The following LEUTX variants were observed in gnomAD, a reference collection of about 807,000 sequenced individuals.
LEUTX encodes the protein paired-like homeodomain transcription factor LEUTX.
LEUTX carries 5 observed loss-of-function variants against 4.5 expected under a neutral mutation model. That is an observed-to-expected ratio of 1.11 (90% CI 0.58 to 2.34). The LOEUF (loss-of-function observed/expected upper bound fraction) is 2.34, where lower values mean the gene tolerates loss of function less well. Among genes scored for constraint, LEUTX ranks in the 30% most tolerant of loss-of-function variants. The pLI, the probability that LEUTX is intolerant of heterozygous loss-of-function variation, is 0.01. For synonymous variants in LEUTX, 89 were observed against 85.1 expected, an observed-to-expected ratio of 1.05 and a Z score of -0.25; for missense variants, 233 against 239.4, an observed-to-expected ratio of 0.97 and a Z score of 0.18.
At chr19:39,781,437 A>T (rs529095999) in intron 1 of LEUTX, among the ~76,000 whole-genome samples, 5 of 152,304 alleles carry the variant, frequency 3.3e-5, no homozygotes, top group African/African-American at 1.2e-4. Context: ...TACAGTTTGC[A>T]TATTTGTCCC....
chr19:39,786,055 G>A lies in LEUTX; in HGVS notation c.517G>A (p.Gly173Arg). Reference sequence around the variant, plus strand: ...ATTTGTAAAGATCTATGACTTGCCAGGGGAAGATGACACCAGCAGCCTAAA... The same window carrying A: ...ATTTGTAAAGATCTATGACTTGCCAAGGGAAGATGACACCAGCAGCCTAAA... ...DEFVKIYDLP[G>R]EDDTSSLNQY... Residue 173 changes from glycine to arginine, a missense_variant, in exon 3 of 3, where the codon GGG (glycine) becomes AGG (arginine). Transcript: ENST00000638280. 1.9e-6 allele frequency: 3 copies of A among 1,551,528 alleles called. No individual in the cohort carries two copies. Among genetic ancestry groups the A allele is most frequent in the East Asian group, 2.4e-5 (1 of 40,926 alleles).
intron 2 of LEUTX, among the ~76,000 whole-genome samples, chr19:39,785,103 T>C (rs1053142211): frequency 6.6e-6 from 1 of 152,142 alleles, no homozygotes; most frequent in Non-Finnish European, 1.5e-5. Flanking sequence ...ACCCTAAAGA[T>C]GACCCAAGCT....
At chr19:39,780,603 G>C (rs918975616) in intron 1 of LEUTX, among the ~76,000 whole-genome samples, 1 of 152,048 alleles carries the variant, frequency 6.6e-6, no homozygotes, top group Admixed American at 6.6e-5. Flanking sequence ...GGACATCCCT[G>C]AGCAGAGATC....
rs1568515922 is a variant in LEUTX at position 39,785,822 on chromosome 19, T to C, written c.284T>C (p.Ile95Thr). ...AAGAAGGAGGAGACTCCCTCAGCCA[T>C]AACTACTGCAAACATTCGTCCAGTA... ...SVKKEETPSA[I>T]TTANIRPVSP... Residue 95 changes from isoleucine (I) to threonine (T), a missense_variant, in exon 3 of 3, where the codon ATA becomes ACA. By Grantham distance (89) the Ile-to-Thr change is moderately conservative. Coordinates refer to ENST00000638280, the MANE Select transcript of LEUTX (RefSeq NM_001382345.1). The C allele has an allele frequency of 1.9e-6, 3 of 1,551,736 alleles. No individual in the cohort carries two copies. The highest frequency in any genetic ancestry group is 2.6e-6 in the Non-Finnish European group (3 of 1,147,000).
At chr19:39,777,563 AT>A (rs1568513711), upstream of LEUTX, among the ~76,000 whole-genome samples, 1 of 152,196 alleles carries the variant, frequency 6.6e-6, no homozygotes, top group South Asian at 2.1e-4. Context: ...TGATTCTAAC[AT>A]TTAAACGGAA....
At chr19:39,783,487 A>G (rs1042711127) in intron 1 of LEUTX, among the ~76,000 whole-genome samples, 4 of 151,584 alleles carry the variant, frequency 2.6e-5, no homozygotes, top group Non-Finnish European at 4.4e-5. Flanking sequence ...TCTTTTTTGT[A>G]TAATGACTTA....
chr19:39,780,241 A>T (rs1967866319), intron 1 of LEUTX, among the ~76,000 whole-genome samples: 1 of 152,208 alleles, frequency 6.6e-6, no homozygotes, highest in African/African-American at 2.4e-5. Context: ...AGCTTGGTAG[A>T]TGATTTTAAA....
intron 1 of LEUTX, among the ~76,000 whole-genome samples, chr19:39,779,947 G>A (rs1967860185): frequency 1.3e-5 from 2 of 152,326 alleles, no homozygotes; most frequent in Admixed American, 6.5e-5. Flanking sequence ...CTGGGAGGCA[G>A]AGGTTGCAGC....
chr19:39,782,664 A>T (rs1014604964), intron 1 of LEUTX, among the ~76,000 whole-genome samples: 2 of 152,156 alleles, frequency 1.3e-5, no homozygotes, highest in African/African-American at 2.4e-5. Context: ...TGAGGCCACC[A>T]AAATAAGCTT....
At chr19:39,783,206 T>C (rs1162803297) in intron 1 of LEUTX, among the ~76,000 whole-genome samples, 1 of 149,762 alleles carries the variant, frequency 6.7e-6, no homozygotes, top group Admixed American at 6.7e-5. Context: ...CAAATATCAT[T>C]AATTCATTTT....
At chr19:39,782,236 A>T (rs1213711162) in intron 1 of LEUTX, among the ~76,000 whole-genome samples, 1 of 152,072 alleles carries the variant, frequency 6.6e-6, no homozygotes, top group Non-Finnish European at 1.5e-5. Flanking sequence ...ACTCACCCAA[A>T]TCTCATCTTG....
chr19:39,785,388 T>A (rs942799044), intron 2 of LEUTX, among the ~76,000 whole-genome samples: 2 of 151,924 alleles, frequency 1.3e-5, no homozygotes, highest in African/African-American at 4.8e-5. Context: ...CAGCGAGCTA[T>A]GATTGCAGCA....
chr19:39,784,961 G>C (rs1025494684), intron 2 of LEUTX, among the ~76,000 whole-genome samples: 2 of 152,132 alleles, frequency 1.3e-5, no homozygotes, highest in Admixed American at 1.3e-4. Context: ...TTTGAGGCTG[G>C]ATCTCAGATA....
At chr19:39,777,283 G>T (rs1967810605), upstream of LEUTX, among the ~76,000 whole-genome samples, 1 of 152,158 alleles carries the variant, frequency 6.6e-6, no homozygotes, top group Non-Finnish European at 1.5e-5. Context: ...GTATTGTCTT[G>T]TTTCCTTTTT....
At chr19:39,782,431 G>A (rs1967900550) in intron 1 of LEUTX, among the ~76,000 whole-genome samples, 1 of 152,154 alleles carries the variant, frequency 6.6e-6, no homozygotes, top group Non-Finnish European at 1.5e-5. Flanking sequence ...CACCACGTAA[G>A]ATGTGGCTTT....
intron 1 of LEUTX, among the ~76,000 whole-genome samples, chr19:39,783,813 C>G: frequency 6.6e-6 from 1 of 151,912 alleles, no homozygotes; most frequent in Admixed American, 6.6e-5. Flanking sequence ...TGTCCTTAGC[C>G]CACTTTTTGA....
chr19:39,784,657 A>G lies in LEUTX; in HGVS notation c.138A>G (p.Gln46=). ...ATMGKLASKL[Q]LDLSVVKIWF... The stretch of plus-strand genomic sequence containing the variant: ...TGGGGAAACTGGCTTCAAAGCTACA[A>G]CTTGATCTATCCGTAGTAAAGGTCT... The change falls in exon 2 of 3, where the codon CAA becomes CAG. Residue 46 remains glutamine (Q), a synonymous_variant. Transcript: ENST00000638280. The G allele has an allele frequency of 6.4e-7, 1 of 1,551,584 alleles. No homozygotes were observed. The highest frequency in any genetic ancestry group is 1.2e-5 in the South Asian group (1 of 84,056).
At chr19:39,784,809 T>C (rs936202272) in intron 2 of LEUTX, 131 bp downstream of exon 2, 22 of 648,952 alleles carry the variant, frequency 3.4e-5, no homozygotes, top group Non-Finnish European at 5.3e-5. Context: ...GCACTTTATA[T>C]TTTTATTGTC....
rs1361360322 is a variant in LEUTX, at chr19:39,786,128, C to T, written c.590C>T (p.Ser197Leu). 1 of 1,523,518 alleles carries T rather than the reference C, an allele frequency of 6.6e-7. No homozygotes were observed. The highest frequency in any genetic ancestry group is 1.4e-5 in the African/African-American group (1 of 72,024). 94.4% of individuals were successfully genotyped at this position (1,523,518 alleles called of 1,614,324 possible). ...VCLEYDQLQSSV is the reference protein window; with the variant it reads ...VCLEYDQLQSLV ...CTTGAGTATGACCAGCTCCAATCTT[C>T]AGTGTAACTTCTTACACATCACTTC... The change falls in exon 3 of 3, where the codon TCA becomes TTA. Residue 197 changes from serine to leucine, a missense_variant. By Grantham distance (145) the Ser-to-Leu change is moderately radical. Coordinates refer to ENST00000638280, the MANE Select transcript of LEUTX (RefSeq NM_001382345.1).
Sources: allele counts gnomAD v4.1 joint callset (sites outside exome capture counted in the v4.1 genomes callset), GRCh38; gene constraint gnomAD v4.1.1; transcripts MANE v1.5; gene names NCBI Gene and HGNC (gene_info 2026-07-23, HGNC 2026-07-21).